FBXO2: variants seen among roughly 807,000 people sequenced by gnomAD.
The protein encoded by FBXO2 is F-box protein 2.
Under a neutral mutation model 38.6 loss-of-function variants are expected in FBXO2, and 32 were observed. That is an observed-to-expected ratio of 0.83 (90% CI 0.62 to 1.11). The LOEUF is 1.11. Ranked by LOEUF, FBXO2 falls within the 50% of genes most tolerant of loss-of-function variation. The pLI, the probability that FBXO2 is intolerant of heterozygous loss-of-function variation, is 0.00. For missense variants in FBXO2, 450 were observed against 418.3 expected, an observed-to-expected ratio of 1.08 and a Z score of -0.66; for synonymous variants, 189 against 182.9, an observed-to-expected ratio of 1.03 and a Z score of -0.27.
At chr1:11,651,890 G>A (rs1245275535) in intron 1 of FBXO2, among the ~76,000 whole-genome samples, 1 of 152,042 alleles carries the variant, frequency 6.6e-6, no homozygotes, top group Non-Finnish European at 1.5e-5. Flanking sequence ...AGTAGAGACT[G>A]GTTTCACCAT....
At chr1:11,649,662 T>C in intron 4 of FBXO2, 117 bp downstream of exon 4, 1 of 1,037,836 alleles carries the variant, frequency 9.6e-7, no homozygotes. Context: ...GTGGCCCACG[T>C]GGCCTCAACC....
At chr1:11,653,801 C>A (rs1173347965) in intron 1 of FBXO2, among the ~76,000 whole-genome samples, 1 of 152,170 alleles carries the variant, frequency 6.6e-6, no homozygotes, top group East Asian at 1.9e-4. Context: ...GCCCCCAACG[C>A]TCCCTCACCG....
Position 11,648,608 on chromosome 1 carries a change from T to G in FBXO2, c.*86A>C. On this transcript the variant is annotated 3_prime_UTR_variant, in exon 6 of 6. Coordinates refer to ENST00000354287, the MANE Select transcript of FBXO2 (RefSeq NM_012168.6). This position sits in a 1 kb window ranked among gnomAD's most constrained non-coding sequence, Gnocchi z 4.2. ...AGGAGGATGTGTGGCTTGGGGAAGGTGAGGACGCTATGGACTAAGTTAAGG... is the reference window on the plus strand; with the variant it reads ...AGGAGGATGTGTGGCTTGGGGAAGGGGAGGACGCTATGGACTAAGTTAAGG... The G allele has an allele frequency of 2.0e-6, 3 of 1,522,366 alleles. No homozygotes were observed. Among genetic ancestry groups the G allele is most frequent in the Non-Finnish European group, 2.7e-6 (3 of 1,120,154 alleles). 94.3% of individuals were successfully genotyped at this position (1,522,366 alleles called of 1,614,324 possible). A position where few individuals can be genotyped will look rare whatever the true frequency, so the allele number is the denominator to read the frequency against.
At chr1:11,653,213 C>A (rs1639565685) in intron 1 of FBXO2, among the ~76,000 whole-genome samples, 1 of 152,200 alleles carries the variant, frequency 6.6e-6, no homozygotes, top group African/African-American at 2.4e-5. Flanking sequence ...CTGATGCTCC[C>A]CGAAAGGTGC....
chr1:11,649,827 C>T lies in FBXO2; in HGVS notation c.569G>A (p.Trp190Ter). ...CTGAGTCGTGTCCAGCAGCTCCTCCCAGTAGCCCTCAGCCTGCAGGTCAAT... is the reference window on the plus strand; with the variant it reads ...CTGAGTCGTGTCCAGCAGCTCCTCCTAGTAGCCCTCAGCCTGCAGGTCAAT... ...QVIDLQAEGY[W>*]EELLDTTQPA... Residue 190 changes from tryptophan to a stop codon, truncating the protein, a stop_gained, in exon 4 of 6, where the codon TGG (tryptophan) becomes TAG (stop). Coordinates refer to ENST00000354287, the MANE Select transcript of FBXO2 (RefSeq NM_012168.6). LOFTEE classifies it high-confidence loss of function. 1 of 1,614,036 alleles carries T rather than the reference C, an allele frequency of 6.2e-7. No homozygotes were observed. The highest frequency in any genetic ancestry group is 8.5e-7 in the Non-Finnish European group (1 of 1,180,024).
chr1:11,650,742 CCTCCTCCTGCTG>C lies in FBXO2; in HGVS notation c.103_114del (p.Gln35_Glu38del). Reference sequence around the variant, plus strand: ...AGGTACGCGGCGGCGGCCGCCGCCTCCTCCTCCTGCTGGTCCTCCGGCCGCTCCTCCTCAGCA... The same window carrying C: ...AGGTACGCGGCGGCGGCCGCCGCCTCGTCCTCCGGCCGCTCCTCCTCAGCA... On this transcript the variant is annotated inframe_deletion, in exon 2 of 6. Coordinates refer to ENST00000354287, the MANE Select transcript of FBXO2 (RefSeq NM_012168.6). 6.5e-7 allele frequency: 1 copy of C among 1,530,802 alleles called. No homozygotes were observed. The highest frequency in any genetic ancestry group is 8.7e-7 in the Non-Finnish European group (1 of 1,145,032). 94.8% of individuals were successfully genotyped at this position (1,530,802 alleles called of 1,614,324 possible). A position where few individuals can be genotyped will look rare whatever the true frequency, so the allele number is the denominator to read the frequency against.
intron 1 of FBXO2, among the ~76,000 whole-genome samples, chr1:11,652,327 C>T (rs1639536102): frequency 6.6e-6 from 1 of 152,134 alleles, no homozygotes; most frequent in Non-Finnish European, 1.5e-5. Context: ...GAAACTCTAT[C>T]AAGCAAGGAG....
intron 1 of FBXO2, among the ~76,000 whole-genome samples, chr1:11,651,797 G>A (rs751045774): frequency 8.6e-5 from 13 of 151,898 alleles, no homozygotes; most frequent in East Asian, 1.9e-4. Flanking sequence ...GCTGGAAGCT[G>A]AGAAGCGATT....
Position 11,649,221 on chromosome 1 carries a change from A to C in FBXO2, c.622T>G (p.Ser208Ala). The C allele has an allele frequency of 7.8e-7, 1 of 1,277,384 alleles. No homozygotes were observed. The highest frequency in any genetic ancestry group is 1.0e-6 in the Non-Finnish European group (1 of 966,072). 79.1% of individuals were successfully genotyped at this position (1,277,384 alleles called of 1,614,324 possible). ...QPAIVVKDWY[S>A]GRSDAGCLYE... ...AGGCAACCAGCGTCGCTGCGGCCCG[A>C]GTACCTGCTCAGAGGGAGGGAGCGA... The change falls in exon 5 of 6, where the codon TCG becomes GCG. Residue 208 changes from serine (S) to alanine (A), a missense_variant. Transcript: ENST00000354287.
In FBXO2 at chr1:11,648,568, G is replaced by C; in HGVS notation, c.*126C>G. On this transcript the variant is annotated 3_prime_UTR_variant, in exon 6 of 6. Coordinates refer to ENST00000354287, the MANE Select transcript of FBXO2 (RefSeq NM_012168.6). The surrounding 1 kb of genome is among the most constrained non-coding windows in gnomAD (Gnocchi z 4.2). ...CTCTCCCTGCTCAGGGGCTGGGATC[G>C]GAGCAAGGGATGGGAGGAGGATGTG... 3.0e-6 allele frequency: 4 copies of C among 1,318,178 alleles called. No individual in the cohort carries two copies. The highest frequency in any genetic ancestry group is 1.4e-5 in the South Asian group (1 of 69,766). 81.7% of individuals were successfully genotyped at this position (1,318,178 alleles called of 1,614,324 possible).
At chr1:11,652,883 GCA>G (rs1639551902) in intron 1 of FBXO2, among the ~76,000 whole-genome samples, 1 of 152,210 alleles carries the variant, frequency 6.6e-6, no homozygotes, top group Admixed American at 6.5e-5. Context: ...AGAGCCCAGA[GCA>G]CACAGTGAGT....
chr1:11,653,986 C>T (rs1639599496), intron 1 of FBXO2: 2 of 307,668 alleles, frequency 6.5e-6, no homozygotes, highest in African/African-American at 4.3e-5. Context: ...AGAAAAGGCT[C>T]GCAGCCTCCC....
At chr1:11,653,820 G>GT (rs748336436) in intron 1 of FBXO2, among the ~76,000 whole-genome samples, 2 of 152,164 alleles carry the variant, frequency 1.3e-5, no homozygotes, top group African/African-American at 2.4e-5. Context: ...CGCTAGTCGG[G>GT]TCCCCACTGG....
rs1186391072 is a variant in FBXO2 at position 11,649,072 on chromosome 1, G to GT, written c.756+14dup. 1 of 1,575,626 alleles carries GT rather than the reference G, an allele frequency of 6.3e-7. No homozygotes were observed. Among genetic ancestry groups the GT allele is most frequent in the Admixed American group, 1.8e-5 (1 of 56,938 alleles). On this transcript the variant is annotated intron_variant, in intron 5 of 5. Coordinates refer to ENST00000354287, the MANE Select transcript of FBXO2 (RefSeq NM_012168.6). Reference sequence around the variant, plus strand: ...TCCGTGCCCCACCCCTCCGCCCTGGGTCCCCCAGGCTCACCTCCATCCAGC... The same window carrying GT: ...TCCGTGCCCCACCCCTCCGCCCTGGGTTCCCCCAGGCTCACCTCCATCCAGC...
At chr1:11,652,537 G>A (rs932301464) in intron 1 of FBXO2, among the ~76,000 whole-genome samples, 2 of 152,222 alleles carry the variant, frequency 1.3e-5, no homozygotes, top group Non-Finnish European at 2.9e-5. Context: ...CAGCCGGACT[G>A]TCTCTTGCAT....
At position 11,649,167 on chromosome 1, in the gene FBXO2, C is replaced by T. The variant is rs770552000; in HGVS notation, c.676G>A (p.Glu226Lys). 9 of 1,566,120 alleles carry T rather than the reference C, an allele frequency of 5.7e-6. No individual in the cohort carries two copies. The Admixed American group carries it at 1.5e-4, about 26-fold the overall frequency. The change falls in exon 5 of 6, where the codon GAG (glutamate) becomes AAG (lysine). Residue 226 changes from glutamate to lysine, a missense_variant. Transcript: ENST00000354287. ...LYELTVKLLS[E>K]HENVLAEFSS... Reference sequence around the variant, plus strand: ...AACTCAGCCAGCACGTTCTCGTGCTCGGACAGTAGCTTAACGGTGAGCTCG... The same window carrying T: ...AACTCAGCCAGCACGTTCTCGTGCTTGGACAGTAGCTTAACGGTGAGCTCG...
chr1:11,652,039 G>A (rs1221411302), intron 1 of FBXO2, among the ~76,000 whole-genome samples: 1 of 152,232 alleles, frequency 6.6e-6, no homozygotes, highest in Non-Finnish European at 1.5e-5. Context: ...CTGTTGCTCA[G>A]GCTGACCTCC....
chr1:11,654,428 C>G lies in FBXO2; in HGVS notation c.-88G>C. ...CGGCGAGTCCCGGCGCTGTCCGCGT[C>G]TGTGTCGGTCCCGGCGACCGCGCCT... On this transcript the variant is annotated 5_prime_UTR_variant, in exon 1 of 6. Transcript: ENST00000354287. 1 of 1,265,392 alleles carries G rather than the reference C, an allele frequency of 7.9e-7. No homozygotes were observed. The allele number at this position is 1,265,392 out of a possible 1,614,324, so 78.4% of individuals were successfully genotyped here.
In FBXO2 at chr1:11,649,168, G is replaced by A. The variant is rs147887052; in HGVS notation, c.675C>T (p.Ser225=). Reference sequence around the variant, plus strand: ...ACTCAGCCAGCACGTTCTCGTGCTCGGACAGTAGCTTAACGGTGAGCTCGT... The same window carrying A: ...ACTCAGCCAGCACGTTCTCGTGCTCAGACAGTAGCTTAACGGTGAGCTCGT... ...CLYELTVKLL[S]EHENVLAEFS... The change falls in exon 5 of 6, where the codon TCC becomes TCT. Residue 225 remains serine, a synonymous_variant. Coordinates refer to ENST00000354287, the MANE Select transcript of FBXO2 (RefSeq NM_012168.6). 9.5e-6 allele frequency: 15 copies of A among 1,570,950 alleles called. No individual in the cohort carries two copies. The African/African-American group carries it at 1.6e-4, about 17-fold the overall frequency.
Sources: gnomAD v4.1 joint callset for allele counts (sites outside exome capture counted in the v4.1 genomes callset) on GRCh38, gnomAD v4.1.1 for gene constraint, Gnocchi (gnomAD v3.1) non-coding constraint, MANE v1.5 for transcripts, NCBI Gene and HGNC (gene_info 2026-07-23, HGNC 2026-07-21) for gene names.